ANGPTL7: variants seen among roughly 807,000 people sequenced by gnomAD.
ANGPTL7 encodes the protein angiopoietin like 7.
ANGPTL7 carries 37 observed loss-of-function variants against 38.8 expected under a neutral mutation model. The observed-to-expected ratio is 0.95, with a 90% CI of 0.73 to 1.25. The LOEUF (loss-of-function observed/expected upper bound fraction) is 1.25. Ranked by LOEUF, ANGPTL7 falls within the 50% of genes most tolerant of loss-of-function variation. The pLI, the probability that ANGPTL7 is intolerant of heterozygous loss-of-function variation, is 0.00. For missense variants in ANGPTL7, 427 were observed against 438.6 expected (o/e 0.97, Z 0.24); for synonymous variants, 166 against 163.2 (o/e 1.02, Z -0.13).
chr1:11,194,993 G>T lies in ANGPTL7; in HGVS notation c.1011G>T (p.Met337Ile), dbSNP rs753562805. The change falls in exon 5 of 5, where the codon ATG becomes ATT. Residue 337 changes from methionine to isoleucine, a missense_variant. Physicochemically the swap from Met to Ile is conservative, Grantham distance 10. Transcript: ENST00000376819. ...GSTYSLKRVE[M>I]KIRPEDFKP ...CCTACTCCCTCAAACGGGTGGAGATGAAAATCCGCCCAGAAGACTTCAAGC... is the reference window on the plus strand; with the variant it reads ...CCTACTCCCTCAAACGGGTGGAGATTAAAATCCGCCCAGAAGACTTCAAGC... The T allele has an allele frequency of 3.7e-6, 6 of 1,613,982 alleles. No homozygotes were observed. Among genetic ancestry groups the T allele is most frequent in the Non-Finnish European group, 4.2e-6 (5 of 1,180,018 alleles).
chr1:11,193,362 C>T (rs1182281307), intron 2 of ANGPTL7, among the ~76,000 whole-genome samples: 1 of 152,046 alleles, frequency 6.6e-6, no homozygotes, highest in Non-Finnish European at 1.5e-5. Flanking sequence ...TGTGCACTCA[C>T]CCCCGGGCCC....
At chr1:11,194,355 C>T (rs1645690453) in intron 3 of ANGPTL7, 106 bp from the exon 4 acceptor site, 1 of 1,039,612 alleles carries the variant, frequency 9.6e-7, no homozygotes, top group African/African-American at 1.6e-5. Flanking sequence ...AGATTCACAC[C>T]TATAAAAAGA....
intron 1 of ANGPTL7, among the ~76,000 whole-genome samples, chr1:11,191,069 C>A (rs144831541): frequency 1.3e-5 from 2 of 152,144 alleles, no homozygotes; most frequent in African/African-American, 4.8e-5. Flanking sequence ...TGAGATGAAA[C>A]CAGACATGCG....
intron 2 of ANGPTL7, among the ~76,000 whole-genome samples, chr1:11,193,103 G>A (rs1185603269): frequency 6.6e-6 from 1 of 152,024 alleles, no homozygotes; most frequent in African/African-American, 2.4e-5. Context: ...AATCACCTGA[G>A]GTCAGGACTT....
Position 11,193,133 on chromosome 1 carries a change from A to G in ANGPTL7, c.478-447A>G, listed in dbSNP as rs376150703. Among the ~76,000 whole-genome samples the G allele has an allele frequency of 4.2e-3, 634 of 152,082 alleles. 5 individuals carry two copies. The highest frequency in any genetic ancestry group is 0.014 in the African/African-American group (598 of 41,476). On this transcript the variant is annotated intron_variant, in intron 2 of 4. Coordinates refer to ENST00000376819, the MANE Select transcript of ANGPTL7 (RefSeq NM_021146.4). ...GGACTTTGAGACCAGCCTGGCCAAC[A>G]TGCTGAAACCCAGTCTCTACTAAAA...
rs113160223 is a variant in ANGPTL7 at position 11,191,895 on chromosome 1, G to A, written c.377-375G>A. On this transcript the variant is annotated intron_variant, in intron 1 of 4. Coordinates refer to ENST00000376819, the MANE Select transcript of ANGPTL7 (RefSeq NM_021146.4). ...TTCACGACTGATTTGTTATAGTGGC[G>A]GCTGTCTAAGAAGTCTGAATCTATC... is the stretch of plus-strand genomic sequence containing the variant. 2.2e-3 allele frequency among the ~76,000 whole-genome samples: 328 copies of A among 152,262 alleles called. 3 individuals are homozygous for A. The highest frequency in any genetic ancestry group is 7.0e-3 in the African/African-American group (292 of 41,534).
rs745514484 is a variant in ANGPTL7 at position 11,195,045 on chromosome 1, G to A, written c.*22G>A. On this transcript the variant is annotated 3_prime_UTR_variant, in exon 5 of 5. Transcript: ENST00000376819. ...TTAAAAGGAGGCTGCCGTGGAGCACGGATACAGAAACTGAGACACGTGGAG... is the reference window on the plus strand; with the variant it reads ...TTAAAAGGAGGCTGCCGTGGAGCACAGATACAGAAACTGAGACACGTGGAG... The A allele has an allele frequency of 4.3e-6, 7 of 1,610,718 alleles. No homozygotes were observed. Among genetic ancestry groups the A allele is most frequent in the African/African-American group, 2.7e-5 (2 of 74,948 alleles).
rs148419594 is a variant in ANGPTL7 at position 11,194,878 on chromosome 1, C to A, written c.896C>A (p.Thr299Lys). The part of the protein sequence containing the change: ...RKGGYWYNCC[T>K]DSNLNGVYYR... ...GGTGGCTACTGGTACAACTGCTGCA[C>A]AGACTCCAACCTCAATGGAGTGTAC... Residue 299 changes from threonine (T) to lysine (K), a missense_variant, in exon 5 of 5, where the codon ACA becomes AAA. By Grantham distance (78) the Thr-to-Lys change is moderately conservative. Transcript: ENST00000376819. 6.8e-6 allele frequency: 11 copies of A among 1,614,182 alleles called. No individual in the cohort carries two copies. The Admixed American group carries it at 1.7e-4, about 24-fold the overall frequency.
chr1:11,189,735 C>G lies in ANGPTL7; in HGVS notation c.156C>G (p.Leu52=). 2.5e-6 allele frequency: 4 copies of G among 1,614,156 alleles called. No individual in the cohort carries two copies. The highest frequency in any genetic ancestry group is 1.7e-6 in the Non-Finnish European group (2 of 1,180,006). Residue 52 remains leucine (L), a synonymous_variant, in exon 1 of 5, where the codon CTC becomes CTG. Coordinates refer to ENST00000376819, the MANE Select transcript of ANGPTL7 (RefSeq NM_021146.4). ...AANCCEEVKE[L]KAQVANLSSL... ...ACTGCTGTGAGGAGGTGAAGGAGCT[C>G]AAGGCCCAAGTTGCCAACCTTAGCA...
chr1:11,193,467 G>C, intron 2 of ANGPTL7, 113 bp from the exon 3 acceptor site: 1 of 902,106 alleles, frequency 1.1e-6, no homozygotes, highest in Non-Finnish European at 1.6e-6. Flanking sequence ...GTGACTGCGG[G>C]AGTGCACACA....
Position 11,189,658 on chromosome 1 carries a change from C to T in ANGPTL7, c.79C>T (p.Gln27Ter), listed in dbSNP as rs1485351894. ...CTTTGTCAGCCACCCAGCGTGGCTG[C>T]AGAAGCTCTCTAAGCACAAGACACC... ...VAFVSHPAWL[Q>*]KLSKHKTPAQ... The change falls in exon 1 of 5, where the codon CAG becomes TAG. Residue 27 changes from glutamine (Q) to a stop codon, truncating the protein, a stop_gained. Coordinates refer to ENST00000376819, the MANE Select transcript of ANGPTL7 (RefSeq NM_021146.4). LOFTEE classifies it high-confidence loss of function. 3.1e-6 allele frequency: 5 copies of T among 1,614,068 alleles called. No individual in the cohort carries two copies. Among genetic ancestry groups the T allele is most frequent in the Non-Finnish European group, 3.4e-6 (4 of 1,180,050 alleles).
In ANGPTL7 at chr1:11,195,143, CA is replaced by C; in HGVS notation, c.*123del. On this transcript the variant is annotated 3_prime_UTR_variant, in exon 5 of 5. Coordinates refer to ENST00000376819, the MANE Select transcript of ANGPTL7 (RefSeq NM_021146.4). The stretch of plus-strand genomic sequence containing the variant: ...GGACTGAGAAACAGCCTATAATCTC[CA>C]AAGAAAGAATAAGTCTCCAAGGAGC... 2 of 1,098,844 alleles carry C rather than the reference CA, an allele frequency of 1.8e-6. No homozygotes were observed. Among genetic ancestry groups the C allele is most frequent in the South Asian group, 3.3e-5 (2 of 60,122 alleles). 68.1% of individuals were successfully genotyped at this position (1,098,844 alleles called of 1,614,324 possible).
rs1461364865 is a variant in ANGPTL7 at position 11,195,943 on chromosome 1, G to A, written c.*920G>A. 1.3e-5 allele frequency: 2 copies of A among 152,122 alleles called. No individual in the cohort carries two copies. The highest frequency in any genetic ancestry group is 2.9e-5 in the Non-Finnish European group (2 of 68,010). 9.4% of individuals were successfully genotyped at this position (152,122 alleles called of 1,614,324 possible). A position where few individuals can be genotyped will look rare whatever the true frequency, so the allele number is the denominator to read the frequency against. ...TGTGGTTTTGTTTTAAACATTCAAC[G>A]TTTCTTTTCCTTCTACAATAAACAC... On this transcript the variant is annotated 3_prime_UTR_variant, in exon 5 of 5. Transcript: ENST00000376819.
chr1:11,194,740 T>C, intron 4 of ANGPTL7, 81 bp downstream of exon 4: 2 of 1,602,226 alleles, frequency 1.2e-6, no homozygotes, highest in Non-Finnish European at 1.7e-6. Context: ...GAATTATAAC[T>C]GTACAGTTGA....
rs1645768940 is a variant in ANGPTL7, at chr1:11,195,953, C to T, written c.*930C>T. On this transcript the variant is annotated 3_prime_UTR_variant, in exon 5 of 5. Coordinates refer to ENST00000376819, the MANE Select transcript of ANGPTL7 (RefSeq NM_021146.4). The stretch of plus-strand genomic sequence containing the variant: ...TTTTAAACATTCAACGTTTCTTTTC[C>T]TTCTACAATAAACACTTTCAAAATG... The T allele has an allele frequency of 6.6e-6, 1 of 152,106 alleles. No homozygotes were observed. Among genetic ancestry groups the T allele is most frequent in the Non-Finnish European group, 1.5e-5 (1 of 68,018 alleles). 9.4% of individuals were successfully genotyped at this position (152,106 alleles called of 1,614,324 possible).
rs368312777 is a variant in ANGPTL7, at chr1:11,195,035, C to T, written c.*12C>T. The T allele has an allele frequency of 3.6e-5, 58 of 1,611,870 alleles. No individual in the cohort carries two copies. Among genetic ancestry groups the T allele is most frequent in the Middle Eastern group, 3.8e-4 (2 of 5,210 alleles). The stretch of plus-strand genomic sequence containing the variant: ...ACTTCAAGCCTTAAAAGGAGGCTGC[C>T]GTGGAGCACGGATACAGAAACTGAG... On this transcript the variant is annotated 3_prime_UTR_variant, in exon 5 of 5. Transcript: ENST00000376819.
Position 11,192,277 on chromosome 1 carries a change from C to A in ANGPTL7, c.384C>A (p.Ile128=). ...TGGTTTGTTCTCTTGTAGATGCCAT[C>A]TACGACTGCTCTTCCCTCTACCAGA... is the stretch of plus-strand genomic sequence containing the variant. ...QTVTQTSADA[I]YDCSSLYQKN... The change falls in exon 2 of 5, where the codon ATC becomes ATA. Residue 128 remains isoleucine, a synonymous_variant. Coordinates refer to ENST00000376819, the MANE Select transcript of ANGPTL7 (RefSeq NM_021146.4). 6.2e-7 allele frequency: 1 copy of A among 1,613,158 alleles called. No homozygotes were observed. The highest frequency in any genetic ancestry group is 8.5e-7 in the Non-Finnish European group (1 of 1,179,224).
In ANGPTL7 at chr1:11,189,615, CT is replaced by C; in HGVS notation, c.37del (p.Cys13AlafsTer37). 1 of 1,613,666 alleles carries C rather than the reference CT, an allele frequency of 6.2e-7. No homozygotes were observed. Among genetic ancestry groups the C allele is most frequent in the Non-Finnish European group, 8.5e-7 (1 of 1,179,824 alleles). On this transcript the variant is annotated frameshift_variant, in exon 1 of 5. Transcript: ENST00000376819. LOFTEE classifies it high-confidence loss of function. ...KKPLSAVTWL[C>X]IFIVAFVSHP... is the part of the protein sequence containing the mutation. ...AGCCTCTCTCAGCTGTGACCTGGCT[CT>C]GCATTTTCATCGTGGCCTTTGTCAG...
chr1:11,192,749 A>G (rs1177977369), intron 2 of ANGPTL7, among the ~76,000 whole-genome samples: 1 of 17,176 alleles, frequency 5.8e-5, no homozygotes, highest in Non-Finnish European at 2.7e-4. Context: ...CATTTCAATT[A>G]AAAAAAAAAA....
Sources: allele counts gnomAD v4.1 joint callset (sites outside exome capture counted in the v4.1 genomes callset), GRCh38; gene constraint gnomAD v4.1.1; transcripts MANE v1.5; gene names NCBI Gene and HGNC (gene_info 2026-07-23, HGNC 2026-07-21).